The following GSR variants were observed in gnomAD, a reference collection of about 807,000 sequenced individuals.
The protein encoded by GSR is glutathione reductase, mitochondrial.
Under a neutral mutation model 56.5 loss-of-function variants are expected in GSR, and 48 were observed. The ratio of observed to expected loss-of-function variants is 0.85; its 90% CI spans 0.67 to 1.08. The LOEUF is 1.08. Ranked by LOEUF, GSR falls within the 50% of genes least tolerant of loss-of-function variation. GSR has a pLI of 0.00. For synonymous variants in GSR, 264 were observed against 270.8 expected (o/e 0.97, Z 0.25); for missense variants, 694 against 703.3 (o/e 0.99, Z 0.15).
intron 12 of GSR, 48 bp downstream of exon 12, chr8:30,680,856 C>A: frequency 6.3e-7 from 1 of 1,576,878 alleles, no homozygotes. Context: ...TACTGCCATC[C>A]CTGTCCATTT....
intron 1 of GSR, among the ~76,000 whole-genome samples, chr8:30,721,425 C>A (rs1002415329): frequency 7.9e-5 from 12 of 152,140 alleles, no homozygotes; most frequent in South Asian, 2.1e-4. Context: ...CCAAGGTGGG[C>A]GGATCACTTG....
intron 9 of GSR, among the ~76,000 whole-genome samples, chr8:30,685,888 G>A (rs1242987468): frequency 2.0e-5 from 3 of 148,512 alleles, no homozygotes; most frequent in Non-Finnish European, 3.0e-5. Flanking sequence ...TTGGGAAGCT[G>A]AGGCAGGAGA....
Position 30,720,671 on chromosome 8 carries a change from G to GA in GSR, c.306+6858dup, listed in dbSNP as rs3077101. On this transcript the variant is annotated intron_variant, in intron 1 of 12. Coordinates refer to ENST00000221130, the MANE Select transcript of GSR (RefSeq NM_000637.5). ...GGAGGCATCAAACTTGAGAAAAAGA[G>GA]AAAAAAAAAAGCAGTCTGTGTAAAG... is the stretch of plus-strand genomic sequence containing the variant. Among the ~76,000 whole-genome samples, 165 of 148,480 alleles carry GA rather than the reference G, an allele frequency of 1.1e-3. 1 individual carries two copies. Among genetic ancestry groups the GA allele is most frequent in the African/African-American group, 1.6e-3 (63 of 40,484 alleles).
Position 30,685,594 on chromosome 8 carries a change from T to C in GSR, c.1042-1395A>G, listed in dbSNP as rs187726191. Among the ~76,000 whole-genome samples the C allele has an allele frequency of 1.5e-3, 224 of 152,298 alleles. 1 individual carries two copies. Among genetic ancestry groups the C allele is most frequent in the South Asian group, 6.8e-3 (33 of 4,830 alleles). On this transcript the variant is annotated intron_variant, in intron 9 of 12. Coordinates refer to ENST00000221130, the MANE Select transcript of GSR (RefSeq NM_000637.5). ...AAATTTTTGCTTTAAGAAGACATGT[T>C]ATGCTTATCATGTGGCTTTGCAAAT...
intron 11 of GSR, among the ~76,000 whole-genome samples, chr8:30,681,317 C>A (rs1306972202): frequency 6.6e-6 from 1 of 152,062 alleles, no homozygotes; most frequent in Non-Finnish European, 1.5e-5. Flanking sequence ...ATCGCTTGAG[C>A]CCAGGAGATT....
rs548053185 is a variant in GSR at position 30,679,727 on chromosome 8, C to T, written c.1420-58G>A. 2.0e-4 allele frequency: 285 copies of T among 1,426,360 alleles called. No individual in the cohort carries two copies. In the African/African-American group the frequency reaches 3.0e-3, roughly 15 times the overall value. 88.4% of individuals were successfully genotyped at this position (1,426,360 alleles called of 1,614,324 possible). ...TCTTCTTTTTTTTTTTTTTTTGAGA[C>T]GGAGTTTCACTCTTGTTGCCCAGGC... On this transcript the variant is annotated intron_variant, in intron 12 of 12. Transcript: ENST00000221130.
In GSR at chr8:30,689,119, T is replaced by C. The variant is rs2551715; in HGVS notation, c.1041+42A>G. On this transcript the variant is annotated intron_variant, in intron 9 of 12. Transcript: ENST00000221130. Reference sequence around the variant, plus strand: ...GGGGAAAATAAAACCATAAGACTCCTAGTAGATTCACAAATGTTTCGGGCA... The same window carrying C: ...GGGGAAAATAAAACCATAAGACTCCCAGTAGATTCACAAATGTTTCGGGCA... 954,475 of 1,588,110 alleles carry C rather than the reference T, an allele frequency of 0.6. 289,080 individuals carry two copies. Among genetic ancestry groups the C allele is most frequent in the African/African-American group, 0.71 (53,003 of 74,404 alleles).
chr8:30,724,634 T>C (rs893019890), intron 1 of GSR, among the ~76,000 whole-genome samples: 3 of 132,966 alleles, frequency 2.3e-5, no homozygotes, highest in African/African-American at 8.3e-5. Context: ...CTGCAACCTC[T>C]GCCTCCTGGG....
At chr8:30,718,115 TA>T (rs1039275506) in intron 1 of GSR, among the ~76,000 whole-genome samples, 1 of 150,350 alleles carries the variant, frequency 6.7e-6, no homozygotes, top group Non-Finnish European at 1.5e-5. Context: ...AAAATAAAAA[TA>T]AATAAATAAA....
intron 1 of GSR, among the ~76,000 whole-genome samples, chr8:30,722,734 A>G (rs1376951407): frequency 4.0e-5 from 1 of 25,130 alleles, no homozygotes; most frequent in African/African-American, 6.7e-5. Context: ...CCTGTCTCAA[A>G]AAAAAAAAAA....
chr8:30,717,387 T>C (rs912948640), intron 1 of GSR, among the ~76,000 whole-genome samples: 10 of 152,186 alleles, frequency 6.6e-5, no homozygotes, highest in African/African-American at 2.4e-4. Context: ...GCACTCAGCC[T>C]TCTTTCCCCT....
rs552617724 is a variant in GSR at position 30,697,892 on chromosome 8, T to C, written c.696-1413A>G. Among the ~76,000 whole-genome samples the C allele has an allele frequency of 3.9e-5, 6 of 152,118 alleles. No homozygotes were observed. The South Asian group carries it at 1.2e-3, about 31-fold the overall frequency. On this transcript the variant is annotated intron_variant, in intron 6 of 12. Transcript: ENST00000221130. ...TTTTTGCAGAGATCGGGTTGTGCTGTGTTGCCTAGGCTGGTTTCAAACTCC... is the reference window on the plus strand; with the variant it reads ...TTTTTGCAGAGATCGGGTTGTGCTGCGTTGCCTAGGCTGGTTTCAAACTCC...
rs1802931299 is a variant in GSR at position 30,680,930 on chromosome 8, T to C, written c.1393A>G (p.Met465Val). 6.2e-7 allele frequency: 1 copy of C among 1,613,798 alleles called. No individual in the cohort carries two copies. Among genetic ancestry groups the C allele is most frequent in the East Asian group, 2.2e-5 (1 of 44,872 alleles). Residue 465 changes from methionine (M) to valine (V), a missense_variant, in exon 12 of 13, where the codon ATG becomes GTG. Coordinates refer to ENST00000221130, the MANE Select transcript of GSR (RefSeq NM_000637.5). ...TTTTCTTCCTTGTTAGCACAGACCA[T>C]TTTCATCACACATTTTGTTTTCCTT... ...TKRKTKCVMK[M>V]VCANKEEKVV...
intron 3 of GSR, among the ~76,000 whole-genome samples, chr8:30,709,508 C>G (rs1440364473): frequency 6.6e-6 from 1 of 152,102 alleles, no homozygotes; most frequent in Admixed American, 6.6e-5. Context: ...TTCATAGAGA[C>G]AGAAAGCAGA....
chr8:30,720,934 G>A (rs191757889), intron 1 of GSR, among the ~76,000 whole-genome samples: 171 of 152,074 alleles, frequency 1.1e-3, no homozygotes, highest in African/African-American at 4.0e-3. Flanking sequence ...GAGGAGCCTG[G>A]ACAACACAGC....
chr8:30,700,723 CAAAAAAA>C (rs55702917), intron 5 of GSR, among the ~76,000 whole-genome samples: 4,529 of 80,118 alleles, frequency 0.057, 233 homozygotes, highest in South Asian at 0.11. Context: ...ATTTTGTCTC[CAAAAAAA>C]AAAAAAAAAA....
At chr8:30,721,696 C>T (rs754558938) in intron 1 of GSR, among the ~76,000 whole-genome samples, 46 of 151,106 alleles carry the variant, frequency 3.0e-4, no homozygotes, top group Non-Finnish European at 5.6e-4. Context: ...ATTTCCATAT[C>T]ATTCCTTTAG....
chr8:30,692,247 C>G (rs1424145785), intron 8 of GSR, among the ~76,000 whole-genome samples: 5 of 135,146 alleles, frequency 3.7e-5, no homozygotes, highest in African/African-American at 1.4e-4. Context: ...TCTTGTTGCC[C>G]AGGCTGGAAT....
At chr8:30,700,181 C>G in intron 5 of GSR, 46 bp from the exon 6 acceptor site, 5 of 1,316,224 alleles carry the variant, frequency 3.8e-6, no homozygotes, top group Non-Finnish European at 5.5e-6. Flanking sequence ...TGCTCTTTCT[C>G]TTGCAAAGTA....
Sources: gnomAD v4.1 joint callset for allele counts (sites outside exome capture counted in the v4.1 genomes callset) on GRCh38, gnomAD v4.1.1 for gene constraint, MANE v1.5 for transcripts, NCBI Gene and HGNC (gene_info 2026-07-23, HGNC 2026-07-21) for gene names.